NDST4: variants seen among roughly 807,000 people sequenced by gnomAD.
The protein encoded by NDST4 is N-deacetylase and N-sulfotransferase 4, also known as N-heparan sulfate sulfotransferase 4.
In NDST4, 63 loss-of-function variants were observed where a neutral mutation model predicts 100.8. The observed-to-expected ratio is 0.62, with a 90% CI of 0.51 to 0.77. The LOEUF (loss-of-function observed/expected upper bound fraction) is 0.77. NDST4 is among the 30% of genes least tolerant of loss of function. The probability of loss-of-function intolerance (pLI) is 0.00; values close to 1 mark genes in which losing one functional copy is unlikely to be tolerated. For synonymous variants in NDST4, 377 were observed against 361.8 expected, an observed-to-expected ratio of 1.04 and a Z score of -0.48; for missense variants, 943 against 1,018.4, an observed-to-expected ratio of 0.93 and a Z score of 1.01.
intron 1 of NDST4, among the ~76,000 whole-genome samples, chr4:115,106,515 T>G (rs1237247772): frequency 6.6e-6 from 1 of 152,100 alleles, no homozygotes; most frequent in Non-Finnish European, 1.5e-5. Context: ...CCTATACACA[T>G]CCTCCTGTAT....
intron 1 of NDST4, among the ~76,000 whole-genome samples, chr4:115,095,972 C>G (rs1383950474): frequency 6.6e-6 from 1 of 152,052 alleles, no homozygotes; most frequent in African/African-American, 2.4e-5. Flanking sequence ...CCTCTAAAAT[C>G]TTTAAGTCAT....
chr4:114,877,670 CGGGCG>C (rs1724283880), intron 6 of NDST4, among the ~76,000 whole-genome samples: 1 of 152,068 alleles, frequency 6.6e-6, no homozygotes, highest in African/African-American at 2.4e-5. Flanking sequence ...AGAAATAGGC[CGGGCG>C]CAATGGTTCA....
At chr4:115,087,730 C>T (rs1398506639) in intron 1 of NDST4, among the ~76,000 whole-genome samples, 1 of 151,622 alleles carries the variant, frequency 6.6e-6, no homozygotes, top group African/African-American at 2.4e-5. Context: ...GATATGCTTT[C>T]CTGTTTAGAT....
chr4:115,105,428 T>C (rs1218804600), intron 1 of NDST4, among the ~76,000 whole-genome samples: 2 of 152,130 alleles, frequency 1.3e-5, no homozygotes, highest in African/African-American at 2.4e-5. Context: ...AATTCTATTA[T>C]GAAAATTTGC....
At chr4:115,058,419 C>T (rs964369103) in intron 2 of NDST4, among the ~76,000 whole-genome samples, 2 of 152,106 alleles carry the variant, frequency 1.3e-5, no homozygotes, top group African/African-American at 4.8e-5. Context: ...CAAGGGCTTT[C>T]AAGTTAATCA....
chr4:114,932,298 T>A lies in NDST4; in HGVS notation c.1536+2908A>T, dbSNP rs187728359. ...AAAAAGCATGTAACAAAATTCAACA[T>A]CCATTCATGATAAAAAGCTCAACAA... On this transcript the variant is annotated intron_variant, in intron 6 of 13. Transcript: ENST00000264363. Among the ~76,000 whole-genome samples the A allele has an allele frequency of 9.9e-5, 15 of 151,976 alleles. No homozygotes were observed. In the East Asian group the frequency reaches 2.5e-3, roughly 25 times the overall value.
chr4:115,004,164 A>T (rs987520801), intron 2 of NDST4, among the ~76,000 whole-genome samples: 2 of 152,284 alleles, frequency 1.3e-5, no homozygotes, highest in African/African-American at 4.8e-5. Context: ...AATAGGAAAA[A>T]ATACCCAATG....
rs1159205229 is a variant in NDST4, at chr4:114,839,368, A to G, written c.2286+10T>C. ...AAAATAAACAGAAGAAAGTAATTTC[A>G]GGACATTACCTGAGAAGTAGCAAAG... On this transcript the variant is annotated intron_variant, in intron 11 of 13. Transcript: ENST00000264363. 11 of 1,596,172 alleles carry G rather than the reference A, an allele frequency of 6.9e-6. No homozygotes were observed. The highest frequency in any genetic ancestry group is 9.4e-6 in the Non-Finnish European group (11 of 1,170,284).
chr4:114,943,978 G>C (rs747115769), intron 4 of NDST4, among the ~76,000 whole-genome samples: 4 of 152,256 alleles, frequency 2.6e-5, no homozygotes, highest in Non-Finnish European at 5.9e-5. Context: ...GCAAGCACAA[G>C]GACCACAAGC....
At chr4:114,936,869 A>C (rs1725639617) in intron 5 of NDST4, among the ~76,000 whole-genome samples, 1 of 152,240 alleles carries the variant, frequency 6.6e-6, no homozygotes, top group African/African-American at 2.4e-5. Flanking sequence ...GAGTGAATAA[A>C]TTTAACTCTC....
At chr4:115,071,238 C>A (rs1314212499) in intron 2 of NDST4, among the ~76,000 whole-genome samples, 1 of 151,446 alleles carries the variant, frequency 6.6e-6, no homozygotes, top group Non-Finnish European at 1.5e-5. Flanking sequence ...GAATCTCTAC[C>A]TCAAAATAGA....
intron 3 of NDST4, among the ~76,000 whole-genome samples, chr4:114,973,441 T>C (rs1044945575): frequency 2.0e-5 from 3 of 152,014 alleles, no homozygotes; most frequent in Non-Finnish European, 4.4e-5. Context: ...CATTAAAATA[T>C]CTGTGCTCAA....
At chr4:114,899,652 T>C (rs1265531568) in intron 6 of NDST4, among the ~76,000 whole-genome samples, 8 of 152,182 alleles carry the variant, frequency 5.3e-5, no homozygotes, top group African/African-American at 1.9e-4. Flanking sequence ...TAATCAGTTT[T>C]CCAATGATGA....
intron 8 of NDST4, among the ~76,000 whole-genome samples, chr4:114,849,777 G>A (rs190384882): frequency 6.7e-6 from 1 of 149,884 alleles, no homozygotes; most frequent in South Asian, 3.0e-4. Flanking sequence ...ATACAAACTT[G>A]ATTAAAAGAA....
chr4:114,926,177 A>G (rs887820502), intron 6 of NDST4, among the ~76,000 whole-genome samples: 54 of 152,214 alleles, frequency 3.5e-4, no homozygotes, highest in African/African-American at 1.1e-3. Context: ...AAAAATATCA[A>G]TATGTGATGA....
At chr4:115,009,530 T>C (rs1195563702) in intron 2 of NDST4, among the ~76,000 whole-genome samples, 1 of 121,752 alleles carries the variant, frequency 8.2e-6, no homozygotes, top group Non-Finnish European at 1.7e-5. Context: ...ATACAAAAAT[T>C]AATTCAAGAT....
In NDST4 at chr4:114,933,768, C is replaced by T. The variant is rs545733142; in HGVS notation, c.1536+1438G>A. On this transcript the variant is annotated intron_variant, in intron 6 of 13. Transcript: ENST00000264363. The stretch of plus-strand genomic sequence containing the variant: ...TATACGAAAAAATCCTAACATCATT[C>T]ATCATCAGGGAAATACAAATTAAAA... Among the ~76,000 whole-genome samples the T allele has an allele frequency of 4.6e-5, 7 of 152,182 alleles. No homozygotes were observed. The East Asian group carries it at 1.4e-3, about 29-fold the overall frequency.
At chr4:115,111,884 T>C (rs1729960033) in intron 1 of NDST4, among the ~76,000 whole-genome samples, 1 of 151,882 alleles carries the variant, frequency 6.6e-6, no homozygotes, top group African/African-American at 2.4e-5. Context: ...ATATTGATCA[T>C]CATAATGTAT....
chr4:114,840,994 A>G (rs541890376), intron 10 of NDST4, among the ~76,000 whole-genome samples: 53 of 152,296 alleles, frequency 3.5e-4, no homozygotes, highest in African/African-American at 1.2e-3. Flanking sequence ...AACTCATTTA[A>G]TTAGTAAAAT....
Sources: gnomAD v4.1 joint callset for allele counts (sites outside exome capture counted in the v4.1 genomes callset) on GRCh38, gnomAD v4.1.1 for gene constraint, MANE v1.5 for transcripts, NCBI Gene and HGNC (gene_info 2026-07-23, HGNC 2026-07-21) for gene names.